Variants in NAALADL2 observed in about 807,000 individuals in gnomAD.
The protein encoded by NAALADL2 is N-acetylated alpha-linked acidic dipeptidase like 2, also known as inactive N-acetylated-alpha-linked acidic dipeptidase-like protein 2.
NAALADL2 carries 76 observed loss-of-function variants against 87.2 expected under a neutral mutation model. That is an observed-to-expected ratio of 0.87 (90% CI 0.72 to 1.05). The LOEUF (loss-of-function observed/expected upper bound fraction) is 1.05. Among genes scored for constraint, NAALADL2 ranks in the 50% least tolerant of loss-of-function variants. NAALADL2 has a pLI of 0.00. For missense variants in NAALADL2, 1,089 were observed against 945.8 expected, an observed-to-expected ratio of 1.15 and a Z score of -1.99; for synonymous variants, 354 against 331.0, an observed-to-expected ratio of 1.07 and a Z score of -0.75.
intron 4 of NAALADL2, among the ~76,000 whole-genome samples, chr3:175,258,292 AGG>A (rs1312803701): frequency 4.4e-4 from 61 of 137,540 alleles, no homozygotes; most frequent in Non-Finnish European, 9.1e-5. Flanking sequence ...TGGGCAACAG[AGG>A]GCGAGACTCC....
chr3:175,133,394 G>C (rs1473277681), intron 2 of NAALADL2, among the ~76,000 whole-genome samples: 18 of 152,080 alleles, frequency 1.2e-4, no homozygotes, highest in Non-Finnish European at 2.4e-4. Flanking sequence ...AGGTTGTAGC[G>C]AGCCGATATC....
intron 5 of NAALADL2, among the ~76,000 whole-genome samples, chr3:175,437,632 C>G (rs370976526): frequency 1.3e-5 from 2 of 150,274 alleles, no homozygotes; most frequent in South Asian, 4.3e-4. Flanking sequence ...AAAAGGAGCC[C>G]GCATTGCCAA....
intron 13 of NAALADL2, among the ~76,000 whole-genome samples, chr3:175,761,078 T>C (rs1747944570): frequency 6.6e-6 from 1 of 152,164 alleles, no homozygotes; most frequent in Non-Finnish European, 1.5e-5. Flanking sequence ...CTAAAATGAA[T>C]AGTTTAATAT....
At chr3:174,711,943 G>A (rs1315525276) in intron 2 of NAALADL2, among the ~76,000 whole-genome samples, 2 of 152,058 alleles carry the variant, frequency 1.3e-5, no homozygotes, top group African/African-American at 4.8e-5. Flanking sequence ...GGGACTACAG[G>A]CGCATGCCAC....
intron 9 of NAALADL2, among the ~76,000 whole-genome samples, chr3:175,527,391 CA>C (rs757556290): frequency 1.9e-4 from 29 of 152,038 alleles, no homozygotes; most frequent in Admixed American, 5.9e-4. Context: ...AATAACCCAC[CA>C]ACATTTTCTT....
chr3:174,445,841 T>G (rs1311267752), intron 1 of NAALADL2, among the ~76,000 whole-genome samples: 1 of 152,154 alleles, frequency 6.6e-6, no homozygotes, highest in Non-Finnish European at 1.5e-5. Context: ...TGAGTCTTGA[T>G]GAAGTCCTTG....
At chr3:174,879,683 C>G (rs1728947951) in intron 1 of NAALADL2, among the ~76,000 whole-genome samples, 1 of 151,554 alleles carries the variant, frequency 6.6e-6, no homozygotes, top group South Asian at 2.1e-4. Flanking sequence ...TTTTTTTGGC[C>G]TCACTACTCA....
chr3:175,028,941 A>G (rs991190748), intron 1 of NAALADL2, among the ~76,000 whole-genome samples: 1 of 151,468 alleles, frequency 6.6e-6, no homozygotes, highest in Non-Finnish European at 1.5e-5. Flanking sequence ...CATAAGTTGT[A>G]TATTTTAGTA....
Position 175,587,326 on chromosome 3 carries a change from T to A in NAALADL2, c.1800+11139T>A, listed in dbSNP as rs1351791774. ...CTTGCTCTTGCTTCTTTTTCACCTA[T>A]GTAGTTCAAACTCATAATGTTAAAG... On this transcript the variant is annotated intron_variant, in intron 10 of 13. Transcript: ENST00000454872. 2.0e-5 allele frequency among the ~76,000 whole-genome samples: 3 copies of A among 152,352 alleles called. No individual in the cohort carries two copies. In the East Asian group the frequency reaches 5.8e-4, roughly 29 times the overall value.
At chr3:175,558,194 C>CAAAAAA (rs71164638) in intron 9 of NAALADL2, among the ~76,000 whole-genome samples, 19 of 82,352 alleles carry the variant, frequency 2.3e-4, no homozygotes, top group South Asian at 4.9e-4. Context: ...GACCCCGTCT[C>CAAAAAA]AAAAAAAAAA....
intron 4 of NAALADL2, among the ~76,000 whole-genome samples, chr3:175,289,827 A>G (rs1755430681): frequency 6.6e-6 from 1 of 152,074 alleles, no homozygotes; most frequent in Non-Finnish European, 1.5e-5. Context: ...ATAAAATGAG[A>G]AGCCACAGAC....
chr3:174,961,922 G>A (rs560497331), intron 1 of NAALADL2, among the ~76,000 whole-genome samples: 2 of 152,004 alleles, frequency 1.3e-5, no homozygotes, highest in East Asian at 3.9e-4. Flanking sequence ...GTAATCCTGG[G>A]ACCTTTGTCT....
intron 5 of NAALADL2, among the ~76,000 whole-genome samples, chr3:175,338,145 C>G (rs964792411): frequency 3.9e-5 from 6 of 152,036 alleles, no homozygotes; most frequent in Non-Finnish European, 7.4e-5. Flanking sequence ...TCGTGGGAAT[C>G]TGAGAGTGAA....
At chr3:175,691,283 A>C (rs1018164486) in intron 11 of NAALADL2, among the ~76,000 whole-genome samples, 6 of 150,946 alleles carry the variant, frequency 4.0e-5, no homozygotes, top group African/African-American at 1.5e-4. Context: ...ACACAGATGG[A>C]TAAAACAATT....
rs1045428026 is a variant in NAALADL2 at position 174,725,265 on chromosome 3, C to T, written c.-114-12376C>T. On this transcript the variant is annotated intron_variant, in intron 2 of 3. Transcript: ENST00000434257. The stretch of plus-strand genomic sequence containing the variant: ...TGGCTTGGCAAAACTATAACATAAC[C>T]TAATTCATTAGATGTTAGCCTTTTG... 3.3e-5 allele frequency among the ~76,000 whole-genome samples: 5 copies of T among 152,114 alleles called. No individual in the cohort carries two copies. In the East Asian group the frequency reaches 9.6e-4, roughly 29 times the overall value.
intron 6 of NAALADL2, among the ~76,000 whole-genome samples, chr3:175,457,216 T>G (rs934629599): frequency 3.3e-5 from 5 of 152,038 alleles, no homozygotes; most frequent in African/African-American, 1.2e-4. Context: ...TGTAGTTAAC[T>G]TCCTTACTCT....
intron 5 of NAALADL2, among the ~76,000 whole-genome samples, chr3:175,363,382 T>C (rs1486870052): frequency 6.8e-6 from 1 of 147,994 alleles, no homozygotes; most frequent in Non-Finnish European, 1.5e-5. Flanking sequence ...ATATTATTGA[T>C]TCTATGCTAG....
intron 1 of NAALADL2, among the ~76,000 whole-genome samples, chr3:174,995,724 A>G (rs1747350460): frequency 2.6e-5 from 4 of 152,064 alleles, no homozygotes; most frequent in African/African-American, 4.8e-5. Flanking sequence ...TTGGATATCA[A>G]TTGGAATTTC....
At chr3:174,726,834 C>T (rs949789200) in intron 2 of NAALADL2, among the ~76,000 whole-genome samples, 2 of 152,166 alleles carry the variant, frequency 1.3e-5, no homozygotes, top group Middle Eastern at 3.4e-3. Flanking sequence ...ACTGCTATTG[C>T]TTTCTTCTAT....
Sources: gnomAD v4.1 joint callset for allele counts (sites outside exome capture counted in the v4.1 genomes callset) on GRCh38, gnomAD v4.1.1 for gene constraint, MANE v1.5 for transcripts, NCBI Gene and HGNC (gene_info 2026-07-23, HGNC 2026-07-21) for gene names.